Variants in CHKA observed in about 807,000 individuals in gnomAD.
CHKA encodes CHETK-alpha.
CHKA carries 34 observed loss-of-function variants against 60.1 expected under a neutral mutation model. That is an observed-to-expected ratio of 0.57 (90% CI 0.43 to 0.75). The LOEUF is 0.75. Among genes scored for constraint, CHKA ranks in the 30% least tolerant of loss-of-function variants. The probability of loss-of-function intolerance (pLI) is 0.00; values close to 1 mark genes in which losing one functional copy is unlikely to be tolerated. For missense variants in CHKA, 563 were observed against 561.3 expected (o/e 1.00, Z -0.03); for synonymous variants, 217 against 223.1 (o/e 0.97, Z 0.24).
In CHKA at chr11:68,066,481, C is replaced by T. The variant is rs1856449242; in HGVS notation, c.964G>A (p.Glu322Lys). 1 of 1,614,036 alleles carries T rather than the reference C, an allele frequency of 6.2e-7. No homozygotes were observed. Among genetic ancestry groups the T allele is most frequent in the South Asian group, 1.1e-5 (1 of 91,084 alleles). The change falls in exon 8 of 12, where the codon GAA becomes AAA. Residue 322 changes from glutamate to lysine, a missense_variant. Physicochemically the swap from Glu to Lys is moderately conservative, Grantham distance 56. Transcript: ENST00000265689. ...ILLLEGRENS[E>K]KQKLMLIDFE... The stretch of plus-strand genomic sequence containing the variant: ...TCAATGAGCATCAGTTTCTGTTTTT[C>T]AGAATTCTCTCGGCCTTCCAGCAAC...
At chr11:68,062,365 G>A (rs1856281312) in intron 10 of CHKA, among the ~76,000 whole-genome samples, 1 of 152,218 alleles carries the variant, frequency 6.6e-6, no homozygotes, top group South Asian at 2.1e-4. Flanking sequence ...AGGCCTGGGT[G>A]GCCATGCTGG....
intron 3 of CHKA, among the ~76,000 whole-genome samples, 200 bp from the exon 4 acceptor site, chr11:68,075,030 CT>C (rs1422257901): frequency 6.6e-6 from 1 of 152,202 alleles, no homozygotes; most frequent in Non-Finnish European, 1.5e-5. Context: ...AGGATTCATG[CT>C]TGCAAGCACT....
intron 7 of CHKA, 113 bp downstream of exon 7, chr11:68,068,766 A>T: frequency 1.5e-6 from 1 of 671,418 alleles, no homozygotes. Flanking sequence ...GTTGTATCAT[A>T]CTTTAATGTA....
chr11:68,093,314 T>A (rs1235960538), intron 2 of CHKA, among the ~76,000 whole-genome samples: 2 of 152,168 alleles, frequency 1.3e-5, no homozygotes, highest in Admixed American at 1.3e-4. Context: ...TTTCCCTTTC[T>A]ATCCAAGGTG....
intron 1 of CHKA, among the ~76,000 whole-genome samples, chr11:68,108,516 G>T (rs550787234): frequency 6.6e-6 from 1 of 152,190 alleles, no homozygotes; most frequent in African/African-American, 2.4e-5. Flanking sequence ...AGGCCAAGGC[G>T]GGAGGATCAC....
At chr11:68,112,239 G>A (rs887426735) in intron 1 of CHKA, among the ~76,000 whole-genome samples, 1 of 151,814 alleles carries the variant, frequency 6.6e-6, no homozygotes, top group African/African-American at 2.4e-5. Context: ...CCTTAGGTAT[G>A]GTGATTGCTT....
At position 68,065,399 on chromosome 11, in the gene CHKA, C is replaced by CTT. The variant is rs1328905314; in HGVS notation, c.1125+385_1125+386dup. Among the ~76,000 whole-genome samples, 2 of 152,134 alleles carry CTT rather than the reference C, an allele frequency of 1.3e-5. 1 individual carries two copies. The highest frequency in any genetic ancestry group is 3.9e-4 in the East Asian group (2 of 5,184). On this transcript the variant is annotated intron_variant, in intron 9 of 11. Coordinates refer to ENST00000265689, the MANE Select transcript of CHKA (RefSeq NM_001277.3). ...CATAAACCAAATTTTAAAAGGTTATCTTTAAAAATGAAGATGTAGGCCAGG... is the reference window on the plus strand; with the variant it reads ...CATAAACCAAATTTTAAAAGGTTATCTTTTTAAAAATGAAGATGTAGGCCAGG...
At chr11:68,066,334 G>A (rs945127781) in intron 8 of CHKA, 95 bp downstream of exon 8, 50 of 1,042,996 alleles carry the variant, frequency 4.8e-5, no homozygotes, top group Non-Finnish European at 6.6e-5. Context: ...AACTCAGAGC[G>A]GCATTTTGAC....
intron 3 of CHKA, among the ~76,000 whole-genome samples, chr11:68,078,519 C>G (rs112125098): frequency 6.6e-6 from 1 of 152,104 alleles, no homozygotes; most frequent in African/African-American, 2.4e-5. Context: ...TGAACAGAAA[C>G]GGGAGAGAGA....
At chr11:68,072,165 T>A (rs906646200) in intron 4 of CHKA, among the ~76,000 whole-genome samples, 1 of 152,148 alleles carries the variant, frequency 6.6e-6, no homozygotes, top group Non-Finnish European at 1.5e-5. Context: ...CTACCTACTA[T>A]CCCTAGTGGC....
At chr11:68,104,701 C>T (rs1432501753) in intron 1 of CHKA, among the ~76,000 whole-genome samples, 4 of 152,086 alleles carry the variant, frequency 2.6e-5, no homozygotes, top group Admixed American at 6.6e-5. Flanking sequence ...GGATAACAGG[C>T]GTGAGCCACC....
At chr11:68,068,642 T>C (rs1856519669) in intron 7 of CHKA, among the ~76,000 whole-genome samples, 2 of 152,120 alleles carry the variant, frequency 1.3e-5, no homozygotes, top group African/African-American at 4.8e-5. Flanking sequence ...GGTCTAGAAC[T>C]CCTGGGCTCA....
intron 2 of CHKA, 66 bp from the exon 3 acceptor site, chr11:68,081,523 A>G (rs1856988081): frequency 8.0e-7 from 1 of 1,254,092 alleles, no homozygotes. Flanking sequence ...CTAACTTTGC[A>G]ACCACCAGAA....
At chr11:68,072,025 T>C (rs1286034972) in intron 4 of CHKA, among the ~76,000 whole-genome samples, 3 of 152,208 alleles carry the variant, frequency 2.0e-5, no homozygotes, top group South Asian at 2.1e-4. Context: ...ACAGGACTTA[T>C]TAAGGTAGCT....
intron 1 of CHKA, among the ~76,000 whole-genome samples, chr11:68,110,732 T>C (rs1200060505): frequency 6.6e-6 from 1 of 152,162 alleles, no homozygotes; most frequent in Non-Finnish European, 1.5e-5. Flanking sequence ...GCACAGTGGC[T>C]CATGCTTGTA....
At chr11:68,105,505 A>G (rs1296665504) in intron 1 of CHKA, among the ~76,000 whole-genome samples, 1 of 127,710 alleles carries the variant, frequency 7.8e-6, no homozygotes, top group African/African-American at 3.1e-5. Flanking sequence ...GCAGAGTGAG[A>G]CTCCATCTCA....
intron 7 of CHKA, among the ~76,000 whole-genome samples, chr11:68,067,363 GA>G (rs1856478841): frequency 1.3e-5 from 2 of 152,336 alleles, no homozygotes; most frequent in Admixed American, 6.5e-5. Flanking sequence ...AGCACTTTGG[GA>G]GGTGGAGGTG....
At chr11:68,101,013 T>C (rs549080084) in intron 1 of CHKA, among the ~76,000 whole-genome samples, 1 of 139,830 alleles carries the variant, frequency 7.2e-6, no homozygotes, top group African/African-American at 2.7e-5. Context: ...AACAGCGCGA[T>C]CTCGGCTCAC....
chr11:68,103,486 G>A (rs531604243), intron 1 of CHKA, among the ~76,000 whole-genome samples: 1 of 152,226 alleles, frequency 6.6e-6, no homozygotes, highest in Admixed American at 6.5e-5. Flanking sequence ...GTGGAGAAAA[G>A]GGAACCCTTA....
Sources: allele counts gnomAD v4.1 joint callset (sites outside exome capture counted in the v4.1 genomes callset), GRCh38; gene constraint gnomAD v4.1.1; transcripts MANE v1.5; gene names NCBI Gene and HGNC (gene_info 2026-07-23, HGNC 2026-07-21).